The following SLCO1B1 variants were observed in gnomAD, a reference collection of about 807,000 sequenced individuals.
SLCO1B1 encodes the protein solute carrier organic anion transporter family member 1B1.
SLCO1B1 carries 81 observed loss-of-function variants against 70.1 expected under a neutral mutation model. The ratio of observed to expected loss-of-function variants is 1.16; its 90% confidence interval spans 0.97 to 1.39. The LOEUF (loss-of-function observed/expected upper bound fraction) is 1.39, where lower values mean the gene tolerates loss of function less well. Among genes scored for constraint, SLCO1B1 ranks in the 40% most tolerant of loss-of-function variants. SLCO1B1 has a pLI of 0.00. For missense variants in SLCO1B1, 895 were observed against 799.6 expected (o/e 1.12, Z -1.44); for synonymous variants, 283 against 271.5 (o/e 1.04, Z -0.42).
At chr12:21,232,407 A>C (rs1316902677) in intron 14 of SLCO1B1, among the ~76,000 whole-genome samples, 1 of 152,154 alleles carries the variant, frequency 6.6e-6, no homozygotes, top group East Asian at 1.9e-4. Flanking sequence ...CATAGTTACA[A>C]GATCAAGCTC....
At chr12:21,140,174 G>A (rs1355323054) in intron 1 of SLCO1B1, among the ~76,000 whole-genome samples, 2 of 152,030 alleles carry the variant, frequency 1.3e-5, no homozygotes, top group Admixed American at 6.6e-5. Context: ...TGCTAATTCA[G>A]TGTTCCCAGC....
intron 1 of SLCO1B1, among the ~76,000 whole-genome samples, chr12:21,139,740 A>T (rs780291303): frequency 2.6e-5 from 4 of 152,156 alleles, no homozygotes; most frequent in African/African-American, 9.7e-5. Context: ...TTGAGCTGCC[A>T]TGTTCCCAAC....
Position 21,202,686 on chromosome 12 carries a change from G to C in SLCO1B1, c.1331G>C (p.Gly444Ala). The C allele has an allele frequency of 6.2e-7, 1 of 1,605,946 alleles. No homozygotes were observed. The highest frequency in any genetic ancestry group is 1.1e-5 in the South Asian group (1 of 90,902). ...SVAGLTMTYD[G>A]NNPVTSHRDV... ...GCCGGACTAACCATGACCTATGATG[G>C]GTTTGTATATATCACTATATCAATT... The change falls in exon 10 of 15, where the codon GGA becomes GCA. Residue 444 changes from glycine (G) to alanine (A), a missense_variant and splice_region_variant. By Grantham distance (60) the Gly-to-Ala change is moderately conservative (BLOSUM62 0). Transcript: ENST00000256958.
rs751961472 is a variant in SLCO1B1 at position 21,174,728 on chromosome 12, A to G, written c.359+19A>G. 12 of 1,608,146 alleles carry G rather than the reference A, an allele frequency of 7.5e-6. No homozygotes were observed. In the East Asian group the frequency reaches 2.5e-4, roughly 33 times the overall value. On this transcript the variant is annotated intron_variant, in intron 4 of 14. Transcript: ENST00000256958. ...TGGGATAGTAAGTGTTAAAAAAAAA[A>G]AAAACCTCTGTGCCACTATCAGTAC...
chr12:21,186,678 G>GAA (rs141172582), intron 7 of SLCO1B1, among the ~76,000 whole-genome samples: 6 of 150,190 alleles, frequency 4.0e-5, no homozygotes, highest in African/African-American at 1.5e-4. Flanking sequence ...CAAAAAAAGG[G>GAA]AAAAAAAAAG....
chr12:21,208,207 T>G (rs34196286), intron 11 of SLCO1B1, among the ~76,000 whole-genome samples: 55,894 of 151,928 alleles, frequency 0.37, 12,413 homozygotes, highest in South Asian at 0.53. Flanking sequence ...ACAAATTTTT[T>G]GCCAAGGCCA....
At chr12:21,158,026 A>G (rs1414293370) in intron 2 of SLCO1B1, among the ~76,000 whole-genome samples, 8 of 152,230 alleles carry the variant, frequency 5.3e-5, no homozygotes, top group Non-Finnish European at 1.0e-4. Context: ...TTGAATTTCA[A>G]TAAAACAAGC....
chr12:21,183,010 G>A (rs1940923069), intron 7 of SLCO1B1, among the ~76,000 whole-genome samples: 2 of 152,206 alleles, frequency 1.3e-5, no homozygotes, highest in Admixed American at 1.3e-4. Flanking sequence ...TGACCAGAGC[G>A]GGAGATTGGG....
chr12:21,146,970 T>C (rs1346551363), intron 2 of SLCO1B1, among the ~76,000 whole-genome samples: 1 of 152,138 alleles, frequency 6.6e-6, no homozygotes, highest in African/African-American at 2.4e-5. Flanking sequence ...GTCAATCATG[T>C]TCTTCCTGTT....
At position 21,168,896 on chromosome 12, in the gene SLCO1B1, G is replaced by A. The variant is rs369033160; in HGVS notation, c.85-3754G>A. Among the ~76,000 whole-genome samples, 156 of 152,216 alleles carry A rather than the reference G, an allele frequency of 1.0e-3. 2 individuals carry two copies. The South Asian group carries it at 0.031, about 31-fold the overall frequency. On this transcript the variant is annotated intron_variant, in intron 2 of 14. Coordinates refer to ENST00000256958, the MANE Select transcript of SLCO1B1 (RefSeq NM_006446.5). Reference sequence around the variant, plus strand: ...TTAAGTTTGATATAGTCTGATTTGTGTATTTTTAATTTTGTTGCCTGTGCT... The same window carrying A: ...TTAAGTTTGATATAGTCTGATTTGTATATTTTTAATTTTGTTGCCTGTGCT...
chr12:21,188,838 TA>T lies in SLCO1B1; in HGVS notation c.728-8107del, dbSNP rs573103102. On this transcript the variant is annotated intron_variant, in intron 7 of 14. Coordinates refer to ENST00000256958, the MANE Select transcript of SLCO1B1 (RefSeq NM_006446.5). ...TTTGCTTCTGTGAGTGTTACTGTTTTATGTTCCTCACATGAATGTAATCATG... is the reference window on the plus strand; with the variant it reads ...TTTGCTTCTGTGAGTGTTACTGTTTTTGTTCCTCACATGAATGTAATCATG... Among the ~76,000 whole-genome samples the T allele has an allele frequency of 2.1e-3, 317 of 152,328 alleles. 5 individuals are homozygous for T. The highest frequency in any genetic ancestry group is 0.019 in the Admixed American group (290 of 15,296).
chr12:21,161,630 C>G (rs1158021519), intron 2 of SLCO1B1, among the ~76,000 whole-genome samples: 2 of 151,988 alleles, frequency 1.3e-5, no homozygotes, highest in Non-Finnish European at 2.9e-5. Flanking sequence ...ACGTGTTTAC[C>G]TGTACAATAA....
At chr12:21,223,078 A>G (rs1402388273) in intron 13 of SLCO1B1, among the ~76,000 whole-genome samples, 1 of 152,158 alleles carries the variant, frequency 6.6e-6, no homozygotes, top group African/African-American at 2.4e-5. Context: ...TCTCTGCTAG[A>G]ACCTGGGTGA....
chr12:21,179,073 C>CG, intron 7 of SLCO1B1, 53 bp downstream of exon 7: 1 of 1,113,222 alleles, frequency 9.0e-7, no homozygotes, highest in Non-Finnish European at 1.4e-6. Context: ...AGCACACATG[C>CG]GAAAAACATT....
At chr12:21,142,887 G>A (rs74997957) in intron 2 of SLCO1B1, among the ~76,000 whole-genome samples, 2 of 152,096 alleles carry the variant, frequency 1.3e-5, no homozygotes, top group Admixed American at 1.3e-4. Context: ...GAAGCTGGGA[G>A]TTAGGGAATT....
At chr12:21,155,329 A>C (rs913896963) in intron 2 of SLCO1B1, among the ~76,000 whole-genome samples, 3 of 151,880 alleles carry the variant, frequency 2.0e-5, no homozygotes, top group African/African-American at 7.2e-5. Context: ...TTTTAAGCCC[A>C]TATATTATTT....
intron 10 of SLCO1B1, among the ~76,000 whole-genome samples, chr12:21,205,402 T>G (rs1466493699): frequency 6.6e-6 from 1 of 151,908 alleles, no homozygotes; most frequent in East Asian, 1.9e-4. Flanking sequence ...TTTTCTTACA[T>G]ATTAAAATAG....
intron 14 of SLCO1B1, among the ~76,000 whole-genome samples, chr12:21,237,050 T>A (rs1941603208): frequency 6.6e-6 from 1 of 152,196 alleles, no homozygotes; most frequent in Non-Finnish European, 1.5e-5. Context: ...GAGACCAATG[T>A]TGATTATAAT....
intron 14 of SLCO1B1, among the ~76,000 whole-genome samples, chr12:21,230,353 ATAGTTTT>A (rs1941522038): frequency 9.8e-6 from 1 of 102,432 alleles, no homozygotes; most frequent in African/African-American, 3.7e-5. Flanking sequence ...TTTTGGAGAC[ATAGTTTT>A]GCTCTTGTTA....
Sources: allele counts gnomAD v4.1 joint callset (sites outside exome capture counted in the v4.1 genomes callset), GRCh38; gene constraint gnomAD v4.1.1; transcripts MANE v1.5; gene names NCBI Gene and HGNC (gene_info 2026-07-23, HGNC 2026-07-21).